The following ST14 variants were observed in gnomAD, a reference collection of about 807,000 sequenced individuals.
ST14 encodes the protein ST14 transmembrane serine protease matriptase.
Under a neutral mutation model 96.5 loss-of-function variants are expected in ST14, and 40 were observed. The observed-to-expected ratio is 0.41, with a 90% CI of 0.32 to 0.54. The LOEUF (loss-of-function observed/expected upper bound fraction) is 0.54. Ranked by LOEUF, ST14 falls within the 20% of genes least tolerant of loss-of-function variation. ST14 has a pLI of 0.17. For synonymous variants in ST14, 506 were observed against 492.1 expected (o/e 1.03, Z -0.37); for missense variants, 1,066 against 1,188.9 (o/e 0.90, Z 1.52).
At chr11:130,176,907 T>C (rs1460507455) in intron 1 of ST14, among the ~76,000 whole-genome samples, 1 of 149,306 alleles carries the variant, frequency 6.7e-6, no homozygotes. Flanking sequence ...CTAGTGATTC[T>C]CCTGCTTCAG....
chr11:130,204,051 G>A (rs1482290639), intron 16 of ST14, among the ~76,000 whole-genome samples: 2 of 152,122 alleles, frequency 1.3e-5, no homozygotes, highest in Non-Finnish European at 2.9e-5. Context: ...AACTCACTTC[G>A]TTTCCGGACT....
intron 16 of ST14, among the ~76,000 whole-genome samples, chr11:130,206,027 G>A (rs1953483461): frequency 6.6e-6 from 1 of 152,120 alleles, no homozygotes; most frequent in Admixed American, 6.5e-5. Flanking sequence ...AAAGTCCTAG[G>A]ATGCAGTCAA....
Position 130,199,960 on chromosome 11 carries a change from T to C in ST14, c.1817T>C (p.Leu606Pro). Residue 606 changes from leucine to proline, a missense_variant, in exon 16 of 19, where the codon CTG becomes CCG. Coordinates refer to ENST00000278742, the MANE Select transcript of ST14 (RefSeq NM_021978.4). ...TCTGCTCCCTCTGCAGACTGTGGGC[T>C]GCGGTCATTCACGAGACAGGCTCGT... ...GSDEKDCDCG[L>P]RSFTRQARVV... 1 of 1,614,216 alleles carries C rather than the reference T, an allele frequency of 6.2e-7. No homozygotes were observed. Among genetic ancestry groups the C allele is most frequent in the Non-Finnish European group, 8.5e-7 (1 of 1,180,024 alleles).
chr11:130,179,607 CG>C (rs1379139277), intron 1 of ST14, among the ~76,000 whole-genome samples: 1 of 152,162 alleles, frequency 6.6e-6, no homozygotes, highest in African/African-American at 2.4e-5. Context: ...GGAGCTTCCC[CG>C]GGGCTGCTGA....
At chr11:130,185,958 C>T (rs1953233649) in intron 1 of ST14, among the ~76,000 whole-genome samples, 1 of 152,122 alleles carries the variant, frequency 6.6e-6, no homozygotes, top group Admixed American at 6.5e-5. Context: ...CATGCACGTG[C>T]CACCGCGCCT....
At position 130,196,563 on chromosome 11, in the gene ST14, C is replaced by CA. The variant is rs761882105; in HGVS notation, c.1224-7_1224-6insA. On this transcript the variant is annotated splice_region_variant and splice_polypyrimidine_tract_variant and intron_variant, in intron 10 of 18. Coordinates refer to ENST00000278742, the MANE Select transcript of ST14 (RefSeq NM_021978.4). Reference sequence around the variant, plus strand: ...CCTCCTCACCTTGTGCCCCGCCCCCCCTCCAGATACTGCGGAGAGAGGTCC... The same window carrying CA: ...CCTCCTCACCTTGTGCCCCGCCCCCCACTCCAGATACTGCGGAGAGAGGTCC... 2.9e-5 allele frequency: 46 copies of CA among 1,610,944 alleles called. No homozygotes were observed. Among genetic ancestry groups the CA allele is most frequent in the East Asian group, 4.5e-5 (2 of 44,872 alleles).
At position 130,206,120 on chromosome 11, in the gene ST14, G is replaced by T. The variant is rs7111431; in HGVS notation, c.1995-2290G>T. On this transcript the variant is annotated intron_variant, in intron 16 of 18. Coordinates refer to ENST00000278742, the MANE Select transcript of ST14 (RefSeq NM_021978.4). Reference sequence around the variant, plus strand: ...GTTTCTCTACGCCTTTTATTTTTTGGTTTTTTATGGCATTGACATTTTTGA... The same window carrying T: ...GTTTCTCTACGCCTTTTATTTTTTGTTTTTTTATGGCATTGACATTTTTGA... 3.3e-3 allele frequency among the ~76,000 whole-genome samples: 500 copies of T among 152,160 alleles called. 3 individuals are homozygous for T. Among genetic ancestry groups the T allele is most frequent in the African/African-American group, 0.011 (467 of 41,520 alleles).
Position 130,190,717 on chromosome 11 carries a change from A to G in ST14, c.875+23A>G, listed in dbSNP as rs858704. 0.78 allele frequency: 1,210,288 copies of G among 1,550,258 alleles called. 474,366 individuals are homozygous for G. The highest frequency in any genetic ancestry group is 0.97 in the East Asian group (40,070 of 41,246). On this transcript the variant is annotated intron_variant, in intron 7 of 18. Coordinates refer to ENST00000278742, the MANE Select transcript of ST14 (RefSeq NM_021978.4). ...GCAGTGAGTACCCCGGGGGGCGGGT[A>G]GGGCTGTGGGAGCTTGGCGGCTGCC...
chr11:130,171,746 C>G, intron 1 of ST14, among the ~76,000 whole-genome samples: 1 of 152,222 alleles, frequency 6.6e-6, no homozygotes, highest in East Asian at 1.9e-4. Flanking sequence ...GAGGCAGAGC[C>G]TCGGGCACAC....
rs1319392220 is a variant in ST14, at chr11:130,194,668, G to C, written c.1044G>C (p.Gln348His). ...SSCGGRLRKA[Q>H]GTFNSPYYPG... is the part of the protein sequence containing the mutation. ...GTGGAGGCCGCTTACGTAAAGCCCA[G>C]GGGACATTCAACAGCCCCTACTACC... The change falls in exon 9 of 19, where the codon CAG becomes CAC. Residue 348 changes from glutamine to histidine, a missense_variant. Gln to His is a conservative substitution (Grantham distance 24, BLOSUM62 0). Coordinates refer to ENST00000278742, the MANE Select transcript of ST14 (RefSeq NM_021978.4). 3.1e-6 allele frequency: 5 copies of C among 1,614,174 alleles called. No homozygotes were observed. Among genetic ancestry groups the C allele is most frequent in the Non-Finnish European group, 4.2e-6 (5 of 1,180,036 alleles).
rs1380094622 is a variant in ST14 at position 130,196,719 on chromosome 11, G to A, written c.1354+19G>A. On this transcript the variant is annotated intron_variant, in intron 11 of 18. Coordinates refer to ENST00000278742, the MANE Select transcript of ST14 (RefSeq NM_021978.4). Reference sequence around the variant, plus strand: ...AGTGACCGTGAGTGAACATTGTTGGGAGGAGGGCTGGCGGGGGCCTGCACC... The same window carrying A: ...AGTGACCGTGAGTGAACATTGTTGGAAGGAGGGCTGGCGGGGGCCTGCACC... 2 of 1,614,212 alleles carry A rather than the reference G, an allele frequency of 1.2e-6. No individual in the cohort carries two copies. Among genetic ancestry groups the A allele is most frequent in the Admixed American group, 3.3e-5 (2 of 60,034 alleles).
Position 130,167,808 on chromosome 11 carries a change from G to A in ST14, c.81+7748G>A, listed in dbSNP as rs530573442. 6.6e-5 allele frequency among the ~76,000 whole-genome samples: 10 copies of A among 152,184 alleles called. No individual in the cohort carries two copies. In the South Asian group the frequency reaches 1.5e-3, roughly 22 times the overall value. ...CGGCTCACTGCAACCTCTGCCTCCC[G>A]GGTTTGAGCAATTCTCCTGCCTCAG... On this transcript the variant is annotated intron_variant, in intron 1 of 18. Coordinates refer to ENST00000278742, the MANE Select transcript of ST14 (RefSeq NM_021978.4).
In ST14 at chr11:130,198,529, G is replaced by C; in HGVS notation, c.1592G>C (p.Arg531Thr). 4 of 1,614,086 alleles carry C rather than the reference G, an allele frequency of 2.5e-6. No homozygotes were observed. The highest frequency in any genetic ancestry group is 3.4e-6 in the Non-Finnish European group (4 of 1,180,018). Residue 531 changes from arginine to threonine, a missense_variant, in exon 14 of 19, where the codon AGG becomes ACG. Arg to Thr is a moderately conservative substitution (Grantham distance 71, BLOSUM62 -1). Transcript: ENST00000278742. ...CCAGGTTGTCCGGCCCAGACCTTCA[G>C]GTGTTCCAATGGGAAGTGCCTCTCG... ...QGCSCPAQTF[R>T]CSNGKCLSKS...
chr11:130,184,597 G>A (rs1238644474), intron 1 of ST14, among the ~76,000 whole-genome samples: 5 of 152,114 alleles, frequency 3.3e-5, no homozygotes, highest in Non-Finnish European at 2.9e-5. Context: ...AGAAAAGATT[G>A]GGCTCAAGTA....
chr11:130,200,264 G>GCAAC, intron 16 of ST14, 127 bp downstream of exon 16: 1 of 1,105,068 alleles, frequency 9.0e-7, no homozygotes, highest in Non-Finnish European at 1.3e-6. Context: ...CCATTCTTGA[G>GCAAC]TTGCTCTAAA....
Position 130,198,602 on chromosome 11 carries a change from C to A in ST14, c.1665C>A (p.Asp555Glu). Reference sequence around the variant, plus strand: ...AGGACGACTGTGGGGACGGGTCCGACGAGGCCTCCTGCCCCAAGGGTGAGG... The same window carrying A: ...AGGACGACTGTGGGGACGGGTCCGAAGAGGCCTCCTGCCCCAAGGGTGAGG... ...NGKDDCGDGS[D>E]EASCPKVNVV... The change falls in exon 14 of 19, where the codon GAC becomes GAA. Residue 555 changes from aspartate (D) to glutamate (E), a missense_variant. Asp to Glu is a conservative substitution (Grantham distance 45, BLOSUM62 2). Transcript: ENST00000278742. 1 of 1,613,820 alleles carries A rather than the reference C, an allele frequency of 6.2e-7. No individual in the cohort carries two copies. The highest frequency in any genetic ancestry group is 8.5e-7 in the Non-Finnish European group (1 of 1,179,946).
At position 130,188,437 on chromosome 11, in the gene ST14, C is replaced by A. The variant is rs1953260017; in HGVS notation, c.242-93C>A. On this transcript the variant is annotated intron_variant, in intron 2 of 18. Transcript: ENST00000278742. This position sits in a 1 kb window ranked among gnomAD's most constrained non-coding sequence, Gnocchi z 5.4. ...GAAGCAGTCAGGGCTGACCCATGGC[C>A]CCCTCCTGGCATTCATTCCCCATTG... The A allele has an allele frequency of 8.1e-6, 13 of 1,604,324 alleles. No homozygotes were observed. The highest frequency in any genetic ancestry group is 1.1e-5 in the Non-Finnish European group (13 of 1,176,160).
rs1591886099 is a variant in ST14 at position 130,187,800 on chromosome 11, C to G, written c.82-314C>G. On this transcript the variant is annotated intron_variant, in intron 1 of 18. Coordinates refer to ENST00000278742, the MANE Select transcript of ST14 (RefSeq NM_021978.4). This position sits in a 1 kb window ranked among gnomAD's most constrained non-coding sequence, Gnocchi z 4.5. ...AAGGGGAGACCTGGATGACCGGGTT[C>G]GACAGCCCTTCATTGCGTTTTAATT... Among the ~76,000 whole-genome samples the G allele has an allele frequency of 6.6e-6, 1 of 152,294 alleles. No individual in the cohort carries two copies. Among genetic ancestry groups the G allele is most frequent in the South Asian group, 2.1e-4 (1 of 4,826 alleles).
At chr11:130,192,707 A>AT (rs1953316604) in intron 7 of ST14, among the ~76,000 whole-genome samples, 2 of 151,968 alleles carry the variant, frequency 1.3e-5, no homozygotes. Context: ...TTTGATGTCT[A>AT]TTTTCCCAGC....
Sources: allele counts gnomAD v4.1 joint callset (sites outside exome capture counted in the v4.1 genomes callset), GRCh38; gene constraint gnomAD v4.1.1; non-coding constraint Gnocchi (gnomAD v3.1); transcripts MANE v1.5; gene names NCBI Gene and HGNC (gene_info 2026-07-23, HGNC 2026-07-21).